MAT1A: variants seen among roughly 807,000 people sequenced by gnomAD.
MAT1A encodes methionine adenosyltransferase 1A.
In MAT1A, 19 loss-of-function variants were observed where a neutral mutation model predicts 44.0. The ratio of observed to expected loss-of-function variants is 0.43; its 90% CI spans 0.30 to 0.63. The LOEUF (loss-of-function observed/expected upper bound fraction) is 0.63. Among genes scored for constraint, MAT1A ranks in the 30% least tolerant of loss-of-function variants. The pLI, the probability that MAT1A is intolerant of heterozygous loss-of-function variation, is 0.12. For missense variants in MAT1A, 397 were observed against 531.0 expected, an observed-to-expected ratio of 0.75 and a Z score of 2.48; for synonymous variants, 205 against 205.6, an observed-to-expected ratio of 1.00 and a Z score of 0.03.
chr10:80,273,634 G>C lies in MAT1A; in HGVS notation c.*147C>G, dbSNP rs1023303349. ...GCCCCTGCCTCCAGCTGGCCATGATGATGACAGGACAGGCTAAATGAGAGG... is the reference window on the plus strand; with the variant it reads ...GCCCCTGCCTCCAGCTGGCCATGATCATGACAGGACAGGCTAAATGAGAGG... On this transcript the variant is annotated 3_prime_UTR_variant, in exon 9 of 9. Coordinates refer to ENST00000372213, the MANE Select transcript of MAT1A (RefSeq NM_000429.3). 4.1e-6 allele frequency: 3 copies of C among 729,888 alleles called. No individual in the cohort carries two copies. Among genetic ancestry groups the C allele is most frequent in the Non-Finnish European group, 7.5e-6 (3 of 398,076 alleles). 45.2% of individuals were successfully genotyped at this position (729,888 alleles called of 1,614,324 possible).
At position 80,272,361 on chromosome 10, in the gene MAT1A, G is replaced by A. The variant is rs941600248; in HGVS notation, c.*1420C>T. On this transcript the variant is annotated 3_prime_UTR_variant, in exon 9 of 9. Coordinates refer to ENST00000372213, the MANE Select transcript of MAT1A (RefSeq NM_000429.3). The stretch of plus-strand genomic sequence containing the variant: ...AGGTGCTGCTGGCCATGGATGGAAA[G>A]GCAGGCAAGTTCCAAGACCTTAGCA... 1 of 152,858 alleles carries A rather than the reference G, an allele frequency of 6.5e-6. No individual in the cohort carries two copies. The highest frequency in any genetic ancestry group is 6.5e-5 in the Admixed American group (1 of 15,294). 9.5% of individuals were successfully genotyped at this position (152,858 alleles called of 1,614,324 possible). A position where few individuals can be genotyped will look rare whatever the true frequency, so the allele number is the denominator to read the frequency against.
chr10:80,284,689 G>A (rs1167038136), intron 2 of MAT1A, among the ~76,000 whole-genome samples: 1 of 152,214 alleles, frequency 6.6e-6, no homozygotes, highest in South Asian at 2.1e-4. Context: ...CCTTGGCCAG[G>A]CCCTGATGCA....
At position 80,273,820 on chromosome 10, in the gene MAT1A, G is replaced by T; in HGVS notation, c.1149C>A (p.Ser383Arg). The change falls in exon 9 of 9, where the codon AGC (serine) becomes AGA (arginine). Residue 383 changes from serine to arginine, a missense_variant. Coordinates refer to ENST00000372213, the MANE Select transcript of MAT1A (RefSeq NM_000429.3). ...KTACYGHFGR[S>R]EFPWEVPRKL... ...TCCTGGGAACCTCCCATGGGAACTC[G>T]CTTCTTCCGAAATGGCCGTAGCATG... The T allele has an allele frequency of 6.2e-7, 1 of 1,613,812 alleles. No individual in the cohort carries two copies. The highest frequency in any genetic ancestry group is 8.5e-7 in the Non-Finnish European group (1 of 1,179,780).
intron 6 of MAT1A, 84 bp from the exon 7 acceptor site, chr10:80,275,283 A>G: frequency 8.1e-7 from 1 of 1,228,856 alleles, no homozygotes. Flanking sequence ...TGGCAGCTGA[A>G]CTGCAACTCA....
In MAT1A at chr10:80,273,300, C is replaced by T; in HGVS notation, c.*481G>A. ...ATCAGTCCTGCTCTAACCCCTGCCA[C>T]ATGCCTGGCCTGGGTGGGGCTTTCT... is the stretch of plus-strand genomic sequence containing the variant. On this transcript the variant is annotated 3_prime_UTR_variant, in exon 9 of 9. Transcript: ENST00000372213. The T allele has an allele frequency of 4.1e-6, 1 of 243,592 alleles. No homozygotes were observed. 15.1% of individuals were successfully genotyped at this position (243,592 alleles called of 1,614,324 possible). A position where few individuals can be genotyped will look rare whatever the true frequency, so the allele number is the denominator to read the frequency against.
intron 2 of MAT1A, among the ~76,000 whole-genome samples, chr10:80,284,316 A>G (rs192561419): frequency 1.3e-5 from 2 of 152,282 alleles, no homozygotes; most frequent in Admixed American, 1.3e-4. Flanking sequence ...TCTATTTAAT[A>G]AAGCTATTTA....
At chr10:80,275,385 A>G in intron 6 of MAT1A, 186 bp from the exon 7 acceptor site, 1 of 639,182 alleles carries the variant, frequency 1.6e-6, no homozygotes, top group South Asian at 1.8e-5. Flanking sequence ...CACTGACAAC[A>G]TATTGAAAAC....
At chr10:80,274,768 A>G in intron 7 of MAT1A, 115 bp from the exon 8 acceptor site, 1 of 1,405,012 alleles carries the variant, frequency 7.1e-7, no homozygotes, top group Admixed American at 1.9e-5. Flanking sequence ...CTTGCCCCAC[A>G]TGCTCCCCTG....
chr10:80,281,775 C>T (rs1330728735), intron 3 of MAT1A, among the ~76,000 whole-genome samples: 2 of 152,224 alleles, frequency 1.3e-5, no homozygotes, highest in African/African-American at 2.4e-5. Flanking sequence ...AAAACTGAAG[C>T]TTTTCAGTCT....
intron 3 of MAT1A, among the ~76,000 whole-genome samples, chr10:80,283,114 C>CT (rs1841590543): frequency 6.6e-6 from 1 of 152,218 alleles, no homozygotes; most frequent in East Asian, 1.9e-4. Flanking sequence ...CGTGGAGACT[C>CT]TAAGAATTGG....
intron 5 of MAT1A, 141 bp downstream of exon 5, chr10:80,280,032 T>C (rs1320907337): frequency 4.0e-6 from 4 of 1,008,314 alleles, no homozygotes; most frequent in Non-Finnish European, 5.9e-6. Flanking sequence ...TTCACATAAA[T>C]AGTTCTTTTC....
chr10:80,273,031 C>G lies in MAT1A; in HGVS notation c.*750G>C, dbSNP rs1030162940. Reference sequence around the variant, plus strand: ...GCTTTGTCATTGTTTGAGCCTGTTACTGGCATGAGACAACGGTGGGGGAGG... The same window carrying G: ...GCTTTGTCATTGTTTGAGCCTGTTAGTGGCATGAGACAACGGTGGGGGAGG... On this transcript the variant is annotated 3_prime_UTR_variant, in exon 9 of 9. Transcript: ENST00000372213. 6.6e-6 allele frequency: 1 copy of G among 152,380 alleles called. No individual in the cohort carries two copies. Among genetic ancestry groups the G allele is most frequent in the Non-Finnish European group, 1.5e-5 (1 of 68,260 alleles). The allele number at this position is 152,380 out of a possible 1,614,324, so 9.4% of individuals were successfully genotyped here. A position where few individuals can be genotyped will look rare whatever the true frequency, so the allele number is the denominator to read the frequency against.
intron 5 of MAT1A, among the ~76,000 whole-genome samples, chr10:80,279,876 G>A (rs186122226): frequency 6.6e-6 from 1 of 151,520 alleles, no homozygotes; most frequent in African/African-American, 2.4e-5. Flanking sequence ...AGCCAGTTAA[G>A]TATGTTTGTG....
intron 3 of MAT1A, among the ~76,000 whole-genome samples, chr10:80,282,055 C>T (rs1171059113): frequency 6.6e-6 from 1 of 152,184 alleles, no homozygotes; most frequent in Non-Finnish European, 1.5e-5. Flanking sequence ...CCCTTTACAC[C>T]CTCCTGTTTC....
Position 80,280,866 on chromosome 10 carries a change from C to T in MAT1A, c.293-74G>A. On this transcript the variant is annotated intron_variant, in intron 3 of 8. Transcript: ENST00000372213. ...GGGCCACAAACTTCCCAATGGATGG[C>T]TCGGTTCCTGACATGCCATTTGGTG... is the stretch of plus-strand genomic sequence containing the variant. 3 of 1,073,334 alleles carry T rather than the reference C, an allele frequency of 2.8e-6. No homozygotes were observed. The South Asian group carries it at 3.7e-5, about 13-fold the overall frequency. The allele number at this position is 1,073,334 out of a possible 1,614,324, so 66.5% of individuals were successfully genotyped here.
At chr10:80,274,377 C>A in intron 8 of MAT1A, 143 bp downstream of exon 8, 3 of 1,181,846 alleles carry the variant, frequency 2.5e-6, no homozygotes, top group Non-Finnish European at 3.7e-6. Flanking sequence ...ACTGGGGATG[C>A]ACTGTGCTGT....
chr10:80,280,031 A>G (rs1255586937), intron 5 of MAT1A, 142 bp downstream of exon 5: 11 of 1,008,340 alleles, frequency 1.1e-5, no homozygotes, highest in African/African-American at 1.6e-5. Flanking sequence ...TTTCACATAA[A>G]TAGTTCTTTT....
intron 3 of MAT1A, among the ~76,000 whole-genome samples, chr10:80,282,823 G>A (rs1841585983): frequency 6.6e-6 from 1 of 152,104 alleles, no homozygotes; most frequent in Non-Finnish European, 1.5e-5. Context: ...ACAAACGGGG[G>A]TCCAGCACCC....
chr10:80,280,466 T>C (rs1043114384), intron 4 of MAT1A, 150 bp from the exon 5 acceptor site: 26 of 1,124,128 alleles, frequency 2.3e-5, no homozygotes, highest in Non-Finnish European at 3.4e-5. Flanking sequence ...AAGGACGTCA[T>C]CCCTGACCCC....
Sources: gnomAD v4.1 joint callset for allele counts (sites outside exome capture counted in the v4.1 genomes callset) on GRCh38, gnomAD v4.1.1 for gene constraint, MANE v1.5 for transcripts, NCBI Gene and HGNC (gene_info 2026-07-23, HGNC 2026-07-21) for gene names.